The following ZNF804A variants were observed in gnomAD, a reference collection of about 807,000 sequenced individuals.
ZNF804A encodes the protein zinc finger protein 804A.
In ZNF804A, 2 loss-of-function variants were observed where a neutral mutation model predicts 16.5. The ratio of observed to expected loss-of-function variants is 0.12; its 90% CI spans 0.05 to 0.38. The LOEUF (loss-of-function observed/expected upper bound fraction) is 0.38, where lower values mean the gene tolerates loss of function less well. Among genes scored for constraint, ZNF804A ranks in the 10% least tolerant of loss-of-function variants. The pLI is 0.99. For synonymous variants in ZNF804A, 534 were observed against 489.6 expected (o/e 1.09, Z -1.20); for missense variants, 1,473 against 1,390.7 (o/e 1.06, Z -0.94).
rs750784554 is a variant in ZNF804A, at chr2:184,933,141, A to ACG, written c.256-460_256-459dup. Among the ~76,000 whole-genome samples the ACG allele has an allele frequency of 2.1e-4, 22 of 107,226 alleles. 1 individual carries two copies. The highest frequency in any genetic ancestry group is 3.1e-4 in the Non-Finnish European group (16 of 52,028). 70.3% of individuals were successfully genotyped at this position (107,226 alleles called of 152,430 possible). On this transcript the variant is annotated intron_variant, in intron 2 of 3. Coordinates refer to ENST00000302277, the MANE Select transcript of ZNF804A (RefSeq NM_194250.2). ...ATAAACTTTTCACTTACACACACACACGCACACACACACACACACACACAG... is the reference window on the plus strand; with the variant it reads ...ATAAACTTTTCACTTACACACACACACGCGCACACACACACACACACACACAG...
chr2:184,921,361 T>C (rs922433486), intron 2 of ZNF804A, among the ~76,000 whole-genome samples: 2 of 152,158 alleles, frequency 1.3e-5, no homozygotes, highest in African/African-American at 2.4e-5. Context: ...AGGAAGTCTG[T>C]CACAAAAATA....
At chr2:184,815,003 G>T (rs933190502) in intron 1 of ZNF804A, among the ~76,000 whole-genome samples, 4 of 151,892 alleles carry the variant, frequency 2.6e-5, no homozygotes, top group Non-Finnish European at 5.9e-5. Flanking sequence ...GAATTTACAA[G>T]AATATCTTCT....
At chr2:184,798,102 A>G (rs1054128587) in intron 1 of ZNF804A, among the ~76,000 whole-genome samples, 1 of 150,666 alleles carries the variant, frequency 6.6e-6, no homozygotes, top group Admixed American at 6.6e-5. Context: ...CTGCTGAGAA[A>G]TCTGCTTTTA....
intron 1 of ZNF804A, among the ~76,000 whole-genome samples, chr2:184,823,231 G>A (rs1574228812): frequency 6.6e-6 from 1 of 151,912 alleles, no homozygotes; most frequent in East Asian, 1.9e-4. Flanking sequence ...AAGGCAGAAA[G>A]GGCCCACCTA....
intron 1 of ZNF804A, among the ~76,000 whole-genome samples, chr2:184,828,628 G>A (rs953826420): frequency 6.6e-6 from 1 of 151,370 alleles, no homozygotes; most frequent in Non-Finnish European, 1.5e-5. Flanking sequence ...TTTAGGTACT[G>A]TATTTCAATG....
intron 1 of ZNF804A, among the ~76,000 whole-genome samples, chr2:184,858,023 C>T (rs970067761): frequency 6.6e-6 from 1 of 151,934 alleles, no homozygotes; most frequent in African/African-American, 2.4e-5. Flanking sequence ...TTTTGTAGAT[C>T]TTTTGTTTCT....
At chr2:184,902,564 C>T (rs72907756) in intron 2 of ZNF804A, 2 of 151,986 alleles carry the variant, frequency 1.3e-5, no homozygotes, top group Non-Finnish European at 2.9e-5. Context: ...CATGACCTTC[C>T]CCTTTTAGTG....
At chr2:184,634,836 G>T (rs1456668513) in intron 1 of ZNF804A, among the ~76,000 whole-genome samples, 1 of 152,100 alleles carries the variant, frequency 6.6e-6, no homozygotes, top group Admixed American at 6.6e-5. Context: ...ACAACAATAG[G>T]AAACTAATAC....
chr2:184,798,865 G>A (rs1694678233), intron 1 of ZNF804A, among the ~76,000 whole-genome samples: 1 of 152,134 alleles, frequency 6.6e-6, no homozygotes, highest in African/African-American at 2.4e-5. Context: ...AGTAGGCTAT[G>A]TCAGAGGGAA....
At chr2:184,749,354 T>A (rs1160795929) in intron 1 of ZNF804A, among the ~76,000 whole-genome samples, 2 of 151,320 alleles carry the variant, frequency 1.3e-5, no homozygotes, top group African/African-American at 4.8e-5. Context: ...AATGGGATTG[T>A]GTTCTTGATT....
intron 1 of ZNF804A, among the ~76,000 whole-genome samples, chr2:184,634,001 A>G (rs1428690411): frequency 6.6e-6 from 1 of 152,154 alleles, no homozygotes; most frequent in African/African-American, 2.4e-5. Flanking sequence ...CTTGTGCCAC[A>G]TGAAGCCTGA....
chr2:184,868,205 AC>A (rs1695908905), intron 2 of ZNF804A, among the ~76,000 whole-genome samples: 1 of 152,098 alleles, frequency 6.6e-6, no homozygotes, highest in African/African-American at 2.4e-5. Context: ...ACTCTGGTAG[AC>A]AGCACAGTCC....
At chr2:184,634,760 G>T (rs1461476421) in intron 1 of ZNF804A, among the ~76,000 whole-genome samples, 2 of 152,072 alleles carry the variant, frequency 1.3e-5, no homozygotes, top group African/African-American at 4.8e-5. Flanking sequence ...TCCAACCTTT[G>T]ACCTCCAGAA....
intron 1 of ZNF804A, among the ~76,000 whole-genome samples, chr2:184,776,604 T>C (rs1197515484): frequency 6.6e-6 from 1 of 151,556 alleles, no homozygotes; most frequent in Non-Finnish European, 1.5e-5. Context: ...CACCTTCCAT[T>C]GTCATAAAAA....
intron 1 of ZNF804A, among the ~76,000 whole-genome samples, chr2:184,864,875 A>T (rs1574247306): frequency 2.5e-4 from 26 of 105,454 alleles, no homozygotes; most frequent in African/African-American, 8.6e-4. Context: ...TATAGTTAGG[A>T]TTTTTTTTTT....
chr2:184,630,904 AT>A (rs1559112620), intron 1 of ZNF804A, among the ~76,000 whole-genome samples: 1 of 152,178 alleles, frequency 6.6e-6, no homozygotes, highest in Non-Finnish European at 1.5e-5. Context: ...GCTAAAATTG[AT>A]TAAAAACTTG....
intron 1 of ZNF804A, among the ~76,000 whole-genome samples, chr2:184,604,703 T>C (rs886921485): frequency 2.6e-5 from 4 of 152,186 alleles, no homozygotes; most frequent in Non-Finnish European, 5.9e-5. Context: ...TAGGTTACTT[T>C]CCTGACCATT....
Position 184,598,963 on chromosome 2 carries a change from G to A in ZNF804A, c.4G>A (p.Glu2Lys), listed in dbSNP as rs1283715653. 1.2e-6 allele frequency: 2 copies of A among 1,601,618 alleles called. No individual in the cohort carries two copies. The stretch of plus-strand genomic sequence containing the variant: ...CGGAGGAGGCGGCGGCTGCCCCATG[G>A]AGTGTTACTACATTGTCATCAGCTC... M[E>K]CYYIVISSTH... The change falls in exon 1 of 4, where the codon GAG (glutamate) becomes AAG (lysine). Residue 2 changes from glutamate to lysine, a missense_variant. By Grantham distance (56) the Glu-to-Lys change is moderately conservative. Transcript: ENST00000302277.
intron 2 of ZNF804A, among the ~76,000 whole-genome samples, chr2:184,922,208 A>G (rs188526540): frequency 1.3e-5 from 2 of 152,124 alleles, no homozygotes; most frequent in African/African-American, 2.4e-5. Context: ...ACAAATTTGC[A>G]TTCTTCCTAA....
Sources: allele counts gnomAD v4.1 joint callset (sites outside exome capture counted in the v4.1 genomes callset), GRCh38; gene constraint gnomAD v4.1.1; transcripts MANE v1.5; gene names NCBI Gene and HGNC (gene_info 2026-07-23, HGNC 2026-07-21).